Variants in TIAM1 observed in about 807,000 individuals in gnomAD.
TIAM1 encodes TIAM Rac1 associated GEF 1.
In TIAM1, 65 loss-of-function variants were observed where a neutral mutation model predicts 163.5. The ratio of observed to expected loss-of-function variants is 0.40; its 90% CI spans 0.33 to 0.49. The LOEUF (loss-of-function observed/expected upper bound fraction) is 0.49. Among genes scored for constraint, TIAM1 ranks in the 20% least tolerant of loss-of-function variants. The pLI, the probability that TIAM1 is intolerant of heterozygous loss-of-function variation, is 0.77. For missense variants in TIAM1, 1,789 were observed against 2,044.7 expected, an observed-to-expected ratio of 0.87 and a Z score of 2.41; for synonymous variants, 833 against 810.1, an observed-to-expected ratio of 1.03 and a Z score of -0.48.
intron 2 of TIAM1, among the ~76,000 whole-genome samples, chr21:31,307,558 C>T (rs562778308): frequency 1.3e-5 from 2 of 152,306 alleles, no homozygotes; most frequent in East Asian, 3.9e-4. Context: ...AACTCTGTGG[C>T]AGTATCACAC....
At chr21:31,458,719 T>C (rs2045208011) in intron 2 of TIAM1, among the ~76,000 whole-genome samples, 1 of 144,846 alleles carries the variant, frequency 6.9e-6, no homozygotes, top group Non-Finnish European at 1.5e-5. Context: ...TGGCCATGAG[T>C]GCCATGACGA....
At chr21:31,265,812 C>T (rs2072727075) in intron 4 of TIAM1, among the ~76,000 whole-genome samples, 198 bp downstream of exon 4, 1 of 152,140 alleles carries the variant, frequency 6.6e-6, no homozygotes, top group Admixed American at 6.5e-5. Flanking sequence ...CCTTAATCCC[C>T]ACCCCTTAAC....
At chr21:31,534,262 C>T (rs1602509023) in intron 1 of TIAM1, among the ~76,000 whole-genome samples, 1 of 152,222 alleles carries the variant, frequency 6.6e-6, no homozygotes, top group Admixed American at 6.5e-5. Context: ...ATCTCCATGC[C>T]TTATTAAAAA....
In TIAM1 at chr21:31,245,616, C is replaced by A. The variant is rs1235143255; in HGVS notation, c.1456G>T (p.Asp486Tyr). The A allele has an allele frequency of 6.3e-7, 1 of 1,599,382 alleles. No individual in the cohort carries two copies. The highest frequency in any genetic ancestry group is 8.5e-7 in the Non-Finnish European group (1 of 1,172,816). ...FYESDGRSGI[D>Y]HNSIPKHAVW... ...GCGTGTTTGGGGATGCTGTTGTGGT[C>A]TATCCCAGACCTGCCGTCGCTCTCG... Residue 486 changes from aspartate to tyrosine, a missense_variant, in exon 6 of 28, where the codon GAC becomes TAC. Physicochemically the swap from Asp to Tyr is radical, Grantham distance 160. Coordinates refer to ENST00000541036, the MANE Select transcript of TIAM1 (RefSeq NM_001353694.2).
At chr21:31,140,273 C>T (rs1483605271) in intron 22 of TIAM1, among the ~76,000 whole-genome samples, 1 of 152,170 alleles carries the variant, frequency 6.6e-6, no homozygotes, top group Non-Finnish European at 1.5e-5. Context: ...CTGCTAGTCA[C>T]AGCAAGAGTG....
intron 2 of TIAM1, among the ~76,000 whole-genome samples, chr21:31,323,527 T>G (rs2075384842): frequency 6.6e-6 from 1 of 151,842 alleles, no homozygotes; most frequent in African/African-American, 2.4e-5. Flanking sequence ...TGGCACCATC[T>G]CTATAAAAAA....
intron 2 of TIAM1, among the ~76,000 whole-genome samples, chr21:31,389,121 G>T (rs2076927790): frequency 6.6e-6 from 1 of 152,192 alleles, no homozygotes; most frequent in Admixed American, 6.5e-5. Flanking sequence ...TTTATTCGTG[G>T]ATGCTGACAT....
rs1214068044 is a variant in TIAM1, at chr21:31,210,534, AAAAGAAAGAAAGAAAGAAAG to A, written c.2218-339_2218-320del. 2.1e-3 allele frequency among the ~76,000 whole-genome samples: 115 copies of A among 55,606 alleles called. 1 individual carries two copies. The highest frequency in any genetic ancestry group is 5.6e-3 in the South Asian group (6 of 1,080). 36.5% of individuals were successfully genotyped at this position (55,606 alleles called of 152,430 possible). A position where few individuals can be genotyped will look rare whatever the true frequency, so the allele number is the denominator to read the frequency against. ...AAGAGAGAGAGATAGGGAAGGAAGG[AAAAGAAAGAAAGAAAGAAAG>A]AAAGAAAGAAAGAAAGAAAGAAAGA... On this transcript the variant is annotated intron_variant, in intron 10 of 27. Transcript: ENST00000541036.
Position 31,182,626 on chromosome 21 carries a change from C to A in TIAM1, c.2682G>T (p.Glu894Asp). Reference protein sequence around the residue: ...ASKKGLKAGDEILEINNRAAD... With the variant: ...ASKKGLKAGDDILEINNRAAD... Reference sequence around the variant, plus strand: ...CAGCACGATTATTGATCTCAAGAATCTCATCTCCTGCTTTCAGGCCTGCCA... The same window carrying A: ...CAGCACGATTATTGATCTCAAGAATATCATCTCCTGCTTTCAGGCCTGCCA... The change falls in exon 15 of 28, where the codon GAG becomes GAT. Residue 894 changes from glutamate to aspartate, a missense_variant. Coordinates refer to ENST00000541036, the MANE Select transcript of TIAM1 (RefSeq NM_001353694.2). 6.2e-7 allele frequency: 1 copy of A among 1,611,694 alleles called. No homozygotes were observed. Among genetic ancestry groups the A allele is most frequent in the South Asian group, 1.1e-5 (1 of 90,514 alleles).
At chr21:31,248,523 T>C (rs932590012) in intron 5 of TIAM1, among the ~76,000 whole-genome samples, 3 of 152,268 alleles carry the variant, frequency 2.0e-5, no homozygotes, top group East Asian at 3.9e-4. Flanking sequence ...CCGTTGTCCA[T>C]GGAAACACTC....
intron 1 of TIAM1, among the ~76,000 whole-genome samples, chr21:31,528,897 T>C (rs1285110479): frequency 6.6e-6 from 1 of 151,370 alleles, no homozygotes; most frequent in Non-Finnish European, 1.5e-5. Context: ...ACTGGAAGAA[T>C]AGGTATTATG....
At chr21:31,370,291 G>C (rs112489165) in intron 2 of TIAM1, among the ~76,000 whole-genome samples, 1,634 of 152,332 alleles carry the variant, frequency 0.011, 23 homozygotes, top group African/African-American at 0.037. Flanking sequence ...AGTTTGAAAA[G>C]TGACCATATG....
intron 1 of TIAM1, among the ~76,000 whole-genome samples, chr21:31,480,082 G>A (rs1459553353): frequency 3.9e-5 from 6 of 152,140 alleles, no homozygotes; most frequent in Non-Finnish European, 5.9e-5. Context: ...ACAAAGACAG[G>A]CACATAGCCA....
chr21:31,354,972 T>TCA (rs1377794665), intron 2 of TIAM1, among the ~76,000 whole-genome samples: 1 of 152,182 alleles, frequency 6.6e-6, no homozygotes, highest in African/African-American at 2.4e-5. Flanking sequence ...GGCTTATGAT[T>TCA]CAGACTTCTC....
chr21:31,338,556 C>T (rs906646991), intron 2 of TIAM1, among the ~76,000 whole-genome samples: 5 of 152,170 alleles, frequency 3.3e-5, no homozygotes, highest in African/African-American at 7.2e-5. Flanking sequence ...CTAACGTGAC[C>T]GTTCCCACTT....
At chr21:31,146,448 C>T (rs1306005968) in intron 20 of TIAM1, among the ~76,000 whole-genome samples, 2 of 148,220 alleles carry the variant, frequency 1.3e-5, no homozygotes, top group South Asian at 2.1e-4. Flanking sequence ...CAGTGGCTCA[C>T]GCCTGTAATC....
At chr21:31,263,989 CATTT>C (rs919930645) in intron 4 of TIAM1, among the ~76,000 whole-genome samples, 1 of 152,154 alleles carries the variant, frequency 6.6e-6, no homozygotes. Flanking sequence ...GTTATCTGGT[CATTT>C]GTGTCATTAC....
At chr21:31,170,885 A>G (rs2084472447) in intron 15 of TIAM1, among the ~76,000 whole-genome samples, 1 of 151,638 alleles carries the variant, frequency 6.6e-6, no homozygotes, top group Non-Finnish European at 1.5e-5. Flanking sequence ...AAAATACAAA[A>G]ATTAGCCGGG....
At chr21:31,468,923 C>T (rs1415406297) in intron 1 of TIAM1, among the ~76,000 whole-genome samples, 3 of 151,934 alleles carry the variant, frequency 2.0e-5, no homozygotes, top group African/African-American at 7.3e-5. Context: ...GCAGGGATGA[C>T]TGTCGGAAGA....
Sources: allele counts gnomAD v4.1 joint callset (sites outside exome capture counted in the v4.1 genomes callset), GRCh38; gene constraint gnomAD v4.1.1; transcripts MANE v1.5; gene names NCBI Gene and HGNC (gene_info 2026-07-23, HGNC 2026-07-21).